Variants in HYAL4 observed in about 807,000 individuals in gnomAD.
The protein encoded by HYAL4 is hyaluronidase-4.
Under a neutral mutation model 35.2 loss-of-function variants are expected in HYAL4, and 37 were observed. The observed-to-expected ratio is 1.05, with a 90% CI of 0.81 to 1.38. The LOEUF (loss-of-function observed/expected upper bound fraction) is 1.38. HYAL4 is among the 40% of genes most tolerant of loss of function. The pLI, the probability that HYAL4 is intolerant of heterozygous loss-of-function variation, is 0.00. For missense variants in HYAL4, 572 were observed against 572.4 expected (o/e 1.00, Z 0.01); for synonymous variants, 198 against 203.2 (o/e 0.97, Z 0.22).
the HYAL4 span, among the ~76,000 whole-genome samples, chr7:123,821,786 TA>T: frequency 1.3e-5 from 2 of 152,186 alleles, no homozygotes; most frequent in African/African-American, 4.8e-5. Flanking sequence ...GGTCTAATGT[TA>T]AATAAGTCTT....
rs1194706056 is a variant in HYAL4 at position 123,874,762 on chromosome 7, A to G, written c.956A>G (p.Gln319Arg). 1 of 1,581,876 alleles carries G rather than the reference A, an allele frequency of 6.3e-7. No homozygotes were observed. Reference sequence around the variant, plus strand: ...TGAACTCTACTGTCTTCAATCTAGCAAGATCTAGTCAGCACCATAGGAGAA... The same window carrying G: ...TGAACTCTACTGTCTTCAATCTAGCGAGATCTAGTCAGCACCATAGGAGAA... ...RDEPLFFLSK[Q>R]DLVSTIGESA... The change falls in exon 4 of 5, where the codon CAA becomes CGA. Residue 319 changes from glutamine (Q) to arginine (R), a missense_variant and splice_region_variant. Gln to Arg is a conservative substitution (Grantham distance 43). Transcript: ENST00000223026.
chr7:123,847,155 CTT>C (rs1419480495), intron 1 of HYAL4, among the ~76,000 whole-genome samples: 2 of 152,124 alleles, frequency 1.3e-5, no homozygotes, highest in Non-Finnish European at 2.9e-5. Context: ...AGTCCTGCCT[CTT>C]GTCTGCCATG....
At chr7:123,821,584 A>G in the HYAL4 span, among the ~76,000 whole-genome samples, 2 of 152,182 alleles carry the variant, frequency 1.3e-5, no homozygotes, top group African/African-American at 2.4e-5. Context: ...AAATATTTCT[A>G]CTATTCTGTA....
chr7:123,808,418 CGTGT>C, the HYAL4 span, among the ~76,000 whole-genome samples: 10,571 of 142,560 alleles, frequency 0.074, 532 homozygotes, highest in African/African-American at 0.15. Flanking sequence ...TGTATCATCA[CGTGT>C]GTGTGTGTGT....
the HYAL4 span, among the ~76,000 whole-genome samples, chr7:123,822,753 G>A: frequency 6.6e-6 from 1 of 152,134 alleles, no homozygotes; most frequent in Admixed American, 6.5e-5. Flanking sequence ...GAGGCCAGGA[G>A]TTCAAACCCA....
At chr7:123,772,502 C>A in the HYAL4 span, among the ~76,000 whole-genome samples, 2 of 152,122 alleles carry the variant, frequency 1.3e-5, no homozygotes, top group Non-Finnish European at 2.9e-5. Context: ...AACAGGATTT[C>A]CAACCATTGA....
At position 123,835,148 on chromosome 7, in the gene HYAL4, A is replaced by G. The variant is rs145816124; in HGVS notation, c.-257+6024A>G. ...TTCTCTATCTTGTGGAATAGTGTCA[A>G]TAAGTTTGGTACCACTTCTTTGACT... is the stretch of plus-strand genomic sequence containing the variant. On this transcript the variant is annotated intron_variant, in intron 1 of 4. Transcript: ENST00000489978. Among the ~76,000 whole-genome samples, 470 of 152,166 alleles carry G rather than the reference A, an allele frequency of 3.1e-3. 2 individuals carry two copies. The highest frequency in any genetic ancestry group is 0.011 in the African/African-American group (439 of 41,526).
the HYAL4 span, chr7:123,814,180 C>G: frequency 6.6e-6 from 1 of 152,542 alleles, no homozygotes. Flanking sequence ...TGCTACCACT[C>G]TTTATCCTAT....
the HYAL4 span, among the ~76,000 whole-genome samples, chr7:123,817,949 C>G: frequency 6.6e-6 from 1 of 152,124 alleles, no homozygotes; most frequent in Non-Finnish European, 1.5e-5. Context: ...AGGATCTCGG[C>G]TCACTGCAAC....
the HYAL4 span, among the ~76,000 whole-genome samples, chr7:123,821,715 T>G: frequency 0.83 from 126,524 of 152,134 alleles, 52,712 homozygotes; most frequent in Non-Finnish European, 0.86. Flanking sequence ...AGGAATAATT[T>G]CCAAGACCAG....
chr7:123,813,435 A>T, the HYAL4 span, among the ~76,000 whole-genome samples: 1 of 152,184 alleles, frequency 6.6e-6, no homozygotes, highest in Non-Finnish European at 1.5e-5. Context: ...TATACAATCC[A>T]GTTTCTTTAT....
At chr7:123,870,997 T>C (rs543997932) in intron 3 of HYAL4, among the ~76,000 whole-genome samples, 1 of 152,288 alleles carries the variant, frequency 6.6e-6, no homozygotes, top group African/African-American at 2.4e-5. Context: ...CTGCACATTC[T>C]GTGAACCTGG....
chr7:123,869,521 C>A (rs577425871), intron 3 of HYAL4, among the ~76,000 whole-genome samples: 12 of 152,206 alleles, frequency 7.9e-5, no homozygotes, highest in African/African-American at 2.9e-4. Flanking sequence ...CACTTACAAT[C>A]GGGCATTTTG....
the HYAL4 span, among the ~76,000 whole-genome samples, chr7:123,788,518 C>T: frequency 6.6e-6 from 1 of 152,238 alleles, no homozygotes; most frequent in South Asian, 2.1e-4. Context: ...TAAAATAGAT[C>T]TCAGCTCTGC....
At chr7:123,841,892 T>C (rs917308981), upstream of HYAL4, among the ~76,000 whole-genome samples, 3 of 152,032 alleles carry the variant, frequency 2.0e-5, no homozygotes, top group African/African-American at 7.2e-5. Flanking sequence ...TTTTCTTCTT[T>C]ATTAATCTTG....
intron 2 of HYAL4, among the ~76,000 whole-genome samples, chr7:123,853,467 C>T (rs545743767): frequency 4.5e-4 from 69 of 152,262 alleles, no homozygotes; most frequent in Non-Finnish European, 8.8e-4. Flanking sequence ...AAGGCCTTTT[C>T]GGCATCTATT....
the HYAL4 span, among the ~76,000 whole-genome samples, chr7:123,776,946 C>T: frequency 2.0e-5 from 3 of 152,194 alleles, no homozygotes; most frequent in African/African-American, 7.2e-5. Flanking sequence ...ATTGTGACTA[C>T]AGGCAAAATA....
intron 1 of HYAL4, among the ~76,000 whole-genome samples, chr7:123,837,760 C>T (rs945049868): frequency 4.1e-5 from 6 of 145,362 alleles, no homozygotes; most frequent in Admixed American, 1.5e-4. Flanking sequence ...TGAGTGAGAA[C>T]GCACGGTGTT....
At chr7:123,778,976 T>A in the HYAL4 span, among the ~76,000 whole-genome samples, 4 of 152,146 alleles carry the variant, frequency 2.6e-5, no homozygotes, top group Admixed American at 6.5e-5. Flanking sequence ...TTGAAGAGAT[T>A]TGTAAAAATG....
Sources: allele counts gnomAD v4.1 joint callset (sites outside exome capture counted in the v4.1 genomes callset), GRCh38; gene constraint gnomAD v4.1.1; transcripts MANE v1.5; gene names NCBI Gene and HGNC (gene_info 2026-07-23, HGNC 2026-07-21).